Variants in AP3S2 observed in about 807,000 individuals in gnomAD.
AP3S2 encodes AP-3 complex subunit sigma-2.
A neutral mutation model predicts 23.4 loss-of-function variants in AP3S2; 22 were observed. That is an observed-to-expected ratio of 0.94 (90% CI 0.67 to 1.34). AP3S2 has a LOEUF of 1.34. Ranked by LOEUF, AP3S2 falls within the 40% of genes most tolerant of loss-of-function variation. The pLI, the probability that AP3S2 is intolerant of heterozygous loss-of-function variation, is 0.00. For synonymous variants in AP3S2, 86 were observed against 87.1 expected, an observed-to-expected ratio of 0.99 and a Z score of 0.07; for missense variants, 241 against 236.9, an observed-to-expected ratio of 1.02 and a Z score of -0.11.
chr15:89,862,529 A>G (rs1340495407), intron 4 of AP3S2, among the ~76,000 whole-genome samples: 1 of 152,236 alleles, frequency 6.6e-6, no homozygotes, highest in Non-Finnish European at 1.5e-5. Context: ...AAAAGCAAGT[A>G]TGCCAAATGT....
rs950308309 is a variant in AP3S2, at chr15:89,834,982, T to A, written c.*533A>T. On this transcript the variant is annotated 3_prime_UTR_variant, in exon 6 of 6. Transcript: ENST00000336418. ...AGCCAGCGGGTGACTCTGGTTCTCC[T>A]AAAATTCTGCCCTTACTTGCCACTC... The A allele has an allele frequency of 6.5e-6, 1 of 154,956 alleles. No homozygotes were observed. The highest frequency in any genetic ancestry group is 1.4e-5 in the Non-Finnish European group (1 of 70,314). 9.6% of individuals were successfully genotyped at this position (154,956 alleles called of 1,614,324 possible). A position where few individuals can be genotyped will look rare whatever the true frequency, so the allele number is the denominator to read the frequency against.
intron 4 of AP3S2, among the ~76,000 whole-genome samples, chr15:89,858,737 A>G (rs1895928004): frequency 6.6e-6 from 1 of 152,206 alleles, no homozygotes; most frequent in Non-Finnish European, 1.5e-5. Context: ...ACCATGGGTA[A>G]TAAGCTTTGT....
At chr15:89,848,073 C>T (rs1957225441) in intron 4 of AP3S2, among the ~76,000 whole-genome samples, 1 of 152,190 alleles carries the variant, frequency 6.6e-6, no homozygotes, top group African/African-American at 2.4e-5. Flanking sequence ...TTAATCGAAT[C>T]CATAGAAACC....
At chr15:89,872,724 C>G (rs1301133715) in intron 3 of AP3S2, among the ~76,000 whole-genome samples, 1 of 152,214 alleles carries the variant, frequency 6.6e-6, no homozygotes, top group Non-Finnish European at 1.5e-5. Flanking sequence ...GAGACAGACC[C>G]ACTTGCCATG....
At chr15:89,877,039 C>A in intron 3 of AP3S2, 1 of 268,336 alleles carries the variant, frequency 3.7e-6, no homozygotes, top group Non-Finnish European at 7.4e-6. Context: ...GGGCAAACTC[C>A]CCGTCTGCTG....
chr15:89,835,340 G>T lies in AP3S2; in HGVS notation c.*175C>A. On this transcript the variant is annotated 3_prime_UTR_variant, in exon 6 of 6. Transcript: ENST00000336418. ...TGTGAGAACTGGGTGCACCCGAGCAGTGTCAATAGGAATCCCTTCCCTATT... is the reference window on the plus strand; with the variant it reads ...TGTGAGAACTGGGTGCACCCGAGCATTGTCAATAGGAATCCCTTCCCTATT... 8.9e-7 allele frequency: 1 copy of T among 1,118,376 alleles called. No homozygotes were observed. Among genetic ancestry groups the T allele is most frequent in the Non-Finnish European group, 1.3e-6 (1 of 795,094 alleles). The allele number at this position is 1,118,376 out of a possible 1,614,324, so 69.3% of individuals were successfully genotyped here. A position where few individuals can be genotyped will look rare whatever the true frequency, so the allele number is the denominator to read the frequency against.
At chr15:89,893,620 A>G in intron 1 of AP3S2, 1 of 505,492 alleles carries the variant, frequency 2.0e-6, no homozygotes, top group South Asian at 3.0e-5. Flanking sequence ...GTTCCCAGAG[A>G]CCCACGGGAA....
intron 4 of AP3S2, among the ~76,000 whole-genome samples, chr15:89,855,885 G>T (rs1383867517): frequency 7.6e-6 from 1 of 131,016 alleles, no homozygotes; most frequent in East Asian, 2.3e-4. Flanking sequence ...CAAAGAAAAT[G>T]TATTTAAATG....
rs1895126967 is a variant in AP3S2, at chr15:89,833,633, T to C, written c.*1882A>G. On this transcript the variant is annotated 3_prime_UTR_variant, in exon 6 of 6. Coordinates refer to ENST00000336418, the MANE Select transcript of AP3S2 (RefSeq NM_005829.5). Reference sequence around the variant, plus strand: ...AGAGAAATGTGAATGTACTGAAATGTCTGCCAGAAAAAAGAAAATCCAACC... The same window carrying C: ...AGAGAAATGTGAATGTACTGAAATGCCTGCCAGAAAAAAGAAAATCCAACC... The C allele has an allele frequency of 1.3e-5, 2 of 152,206 alleles. No individual in the cohort carries two copies. The highest frequency in any genetic ancestry group is 3.8e-4 in the East Asian group (2 of 5,196). 9.4% of individuals were successfully genotyped at this position (152,206 alleles called of 1,614,324 possible). A position where few individuals can be genotyped will look rare whatever the true frequency, so the allele number is the denominator to read the frequency against.
At position 89,861,419 on chromosome 15, in the gene AP3S2, A is replaced by G. The variant is rs574057544; in HGVS notation, c.345+10056T>C. Reference sequence around the variant, plus strand: ...ATTCTAAATCCAGCTTTGCTATTAGATACTGGTAGATCAGAATGTTAGGTC... The same window carrying G: ...ATTCTAAATCCAGCTTTGCTATTAGGTACTGGTAGATCAGAATGTTAGGTC... On this transcript the variant is annotated intron_variant, in intron 4 of 5. Coordinates refer to ENST00000336418, the MANE Select transcript of AP3S2 (RefSeq NM_005829.5). Among the ~76,000 whole-genome samples the G allele has an allele frequency of 3.3e-5, 5 of 152,350 alleles. No individual in the cohort carries two copies. The South Asian group carries it at 1.0e-3, about 32-fold the overall frequency.
At chr15:89,882,099 G>C (rs1432506105) in intron 3 of AP3S2, among the ~76,000 whole-genome samples, 2 of 152,026 alleles carry the variant, frequency 1.3e-5, no homozygotes, top group Non-Finnish European at 2.9e-5. Flanking sequence ...TGGGGTTACA[G>C]GTGTGAGCCA....
intron 4 of AP3S2, among the ~76,000 whole-genome samples, chr15:89,858,921 C>T (rs187563697): frequency 6.6e-6 from 1 of 152,272 alleles, no homozygotes; most frequent in Non-Finnish European, 1.5e-5. Flanking sequence ...TGAGATTGTG[C>T]ACTGAGGCAA....
At chr15:89,836,431 C>T (rs1895192945) in intron 5 of AP3S2, among the ~76,000 whole-genome samples, 1 of 152,208 alleles carries the variant, frequency 6.6e-6, no homozygotes, top group Non-Finnish European at 1.5e-5. Flanking sequence ...AGGACAGTCA[C>T]AGCTCTAGGG....
At chr15:89,873,024 A>G (rs1384692235) in intron 3 of AP3S2, among the ~76,000 whole-genome samples, 1 of 152,240 alleles carries the variant, frequency 6.6e-6, no homozygotes, top group East Asian at 1.9e-4. Flanking sequence ...ACCACATACA[A>G]TAATTTCATA....
intron 4 of AP3S2, 132 bp from the exon 5 acceptor site, chr15:89,837,854 A>C (rs776873112): frequency 1.7e-5 from 17 of 1,002,338 alleles, no homozygotes; most frequent in East Asian, 5.5e-5. Context: ...AGACACTCAA[A>C]CCCCCCTGCC....
chr15:89,871,722 C>T (rs553701823), intron 3 of AP3S2, among the ~76,000 whole-genome samples, 176 bp from the exon 4 acceptor site: 9 of 152,326 alleles, frequency 5.9e-5, no homozygotes, highest in South Asian at 2.1e-4. Context: ...CTACTTATCT[C>T]GATTTAGAGG....
chr15:89,836,857 C>T (rs149439406), intron 5 of AP3S2, among the ~76,000 whole-genome samples: 16 of 152,324 alleles, frequency 1.1e-4, no homozygotes, highest in Non-Finnish European at 1.9e-4. Context: ...ACTGCCAGTC[C>T]TCACAGAAAG....
chr15:89,845,054 C>T (rs1334047394), intron 4 of AP3S2, among the ~76,000 whole-genome samples: 9 of 151,870 alleles, frequency 5.9e-5, no homozygotes, highest in Admixed American at 5.3e-4. Context: ...TACAGGCGCC[C>T]GCCACCACGC....
chr15:89,883,924 G>A (rs1478695136), intron 3 of AP3S2: 1 of 152,154 alleles, frequency 6.6e-6, no homozygotes, highest in East Asian at 1.9e-4. Context: ...GATGCTCAAA[G>A]GAAATGCTTA....
Sources: allele counts gnomAD v4.1 joint callset (sites outside exome capture counted in the v4.1 genomes callset), GRCh38; gene constraint gnomAD v4.1.1; transcripts MANE v1.5; gene names NCBI Gene and HGNC (gene_info 2026-07-23, HGNC 2026-07-21).